NYAP2: variants seen among roughly 807,000 people sequenced by gnomAD.
The protein encoded by NYAP2 is neuronal tyrosine-phosphorylated phosphoinositide-3-kinase adapter 2.
In NYAP2, 23 loss-of-function variants were observed where a neutral mutation model predicts 50.4. The ratio of observed to expected loss-of-function variants is 0.46; its 90% CI spans 0.33 to 0.65. The LOEUF (loss-of-function observed/expected upper bound fraction) is 0.65. NYAP2 is among the 30% of genes least tolerant of loss of function. The pLI, the probability that NYAP2 is intolerant of heterozygous loss-of-function variation, is 0.02. For missense variants in NYAP2, 885 were observed against 861.0 expected (o/e 1.03, Z -0.35); for synonymous variants, 394 against 365.2 (o/e 1.08, Z -0.90).
chr2:225,474,866 A>G (rs1464060490), intron 3 of NYAP2, among the ~76,000 whole-genome samples: 1 of 152,226 alleles, frequency 6.6e-6, no homozygotes, highest in Non-Finnish European at 1.5e-5. Flanking sequence ...GAGTGGTGAG[A>G]GAGGGCATCC....
At position 225,452,625 on chromosome 2, in the gene NYAP2, C is replaced by T. The variant is rs979282182; in HGVS notation, c.221+43524C>T. 2.0e-5 allele frequency among the ~76,000 whole-genome samples: 3 copies of T among 152,178 alleles called. No homozygotes were observed. The South Asian group carries it at 6.2e-4, about 32-fold the overall frequency. On this transcript the variant is annotated intron_variant, in intron 3 of 6. Coordinates refer to ENST00000636099, the Ensembl canonical transcript of NYAP2. ...AAATCTATAAAGACAATTGCGGTTTCCCACTGAATTTGATTCATTCTAAAC... is the reference window on the plus strand; with the variant it reads ...AAATCTATAAAGACAATTGCGGTTTTCCACTGAATTTGATTCATTCTAAAC...
At chr2:225,519,838 A>G (rs1020850056) in intron 4 of NYAP2, among the ~76,000 whole-genome samples, 11 of 152,198 alleles carry the variant, frequency 7.2e-5, no homozygotes, top group African/African-American at 2.7e-4. Flanking sequence ...ATCCCTGAGG[A>G]ATCGCCACAC....
intron 4 of NYAP2, among the ~76,000 whole-genome samples, chr2:225,520,676 C>G (rs1691036791): frequency 6.6e-6 from 1 of 152,114 alleles, no homozygotes; most frequent in African/African-American, 2.4e-5. Flanking sequence ...GTTACTGTAG[C>G]CTTGTAGTAT....
the NYAP2 span, chr2:225,700,045 G>T: frequency 1.3e-5 from 2 of 151,780 alleles, no homozygotes; most frequent in Non-Finnish European, 2.9e-5. Flanking sequence ...TCTTGTAAGG[G>T]TATTGACAGC....
chr2:225,513,091 G>C (rs911509734), intron 3 of NYAP2, among the ~76,000 whole-genome samples: 1 of 152,076 alleles, frequency 6.6e-6, no homozygotes, highest in Non-Finnish European at 1.5e-5. Context: ...TGGAATTCTT[G>C]TTTACATTTT....
At chr2:225,612,595 T>C (rs377253190) in intron 5 of NYAP2, among the ~76,000 whole-genome samples, 3 of 152,222 alleles carry the variant, frequency 2.0e-5, no homozygotes, top group African/African-American at 4.8e-5. Flanking sequence ...AAGTTCAAAG[T>C]CAAGGTGCCA....
intron 5 of NYAP2, among the ~76,000 whole-genome samples, chr2:225,585,996 C>G (rs1692383905): frequency 6.6e-6 from 1 of 152,078 alleles, no homozygotes; most frequent in Non-Finnish European, 1.5e-5. Context: ...TCTCATTATT[C>G]TTTTTAAGTT....
downstream of NYAP2, among the ~76,000 whole-genome samples, chr2:225,655,444 G>T (rs569403932): frequency 6.6e-6 from 1 of 152,196 alleles, no homozygotes; most frequent in East Asian, 1.9e-4. Context: ...CTGAATTTTT[G>T]TGCCTACCAT....
At chr2:225,669,073 CT>C in the NYAP2 span, among the ~76,000 whole-genome samples, 2 of 137,308 alleles carry the variant, frequency 1.5e-5, no homozygotes, top group Admixed American at 1.6e-4. Flanking sequence ...ATACCAAAAA[CT>C]ACATAATGAA....
chr2:225,562,629 T>C (rs1413050140), intron 4 of NYAP2, among the ~76,000 whole-genome samples: 1 of 152,104 alleles, frequency 6.6e-6, no homozygotes, highest in Non-Finnish European at 1.5e-5. Context: ...GCAAATTTGC[T>C]TGGAACATAC....
At chr2:225,563,050 C>T (rs1326822196) in intron 4 of NYAP2, among the ~76,000 whole-genome samples, 1 of 152,080 alleles carries the variant, frequency 6.6e-6, no homozygotes, top group Non-Finnish European at 1.5e-5. Context: ...GTGTAAAAGT[C>T]TGCATCTTTT....
chr2:225,578,619 C>T (rs917318259), intron 4 of NYAP2, among the ~76,000 whole-genome samples: 6 of 152,110 alleles, frequency 3.9e-5, no homozygotes, highest in African/African-American at 1.2e-4. Context: ...GGATAAGCAT[C>T]GCCAGATGTA....
chr2:225,687,658 T>G, the NYAP2 span, among the ~76,000 whole-genome samples: 1 of 152,198 alleles, frequency 6.6e-6, no homozygotes, highest in Non-Finnish European at 1.5e-5. Context: ...TGCACATATG[T>G]GTAAATATGC....
At chr2:225,555,696 C>T (rs535228301) in intron 4 of NYAP2, among the ~76,000 whole-genome samples, 9 of 152,192 alleles carry the variant, frequency 5.9e-5, no homozygotes, top group Admixed American at 3.9e-4. Flanking sequence ...TGTCTAAGCC[C>T]GATTAGCTCT....
chr2:225,601,123 G>GTT (rs71410364), intron 5 of NYAP2, among the ~76,000 whole-genome samples: 34 of 136,890 alleles, frequency 2.5e-4, no homozygotes, highest in Non-Finnish European at 2.5e-4. Flanking sequence ...CTGTGTTTAA[G>GTT]TTTTTTTTTT....
chr2:225,548,483 C>T (rs1010784170), intron 4 of NYAP2, among the ~76,000 whole-genome samples: 10 of 151,580 alleles, frequency 6.6e-5, no homozygotes, highest in Admixed American at 6.6e-4. Context: ...CCCCACTATC[C>T]TATTACATAA....
chr2:225,660,441 A>ATTTTTT, the NYAP2 span, among the ~76,000 whole-genome samples: 1 of 134,004 alleles, frequency 7.5e-6, no homozygotes, highest in Non-Finnish European at 1.6e-5. Flanking sequence ...CACAGGATAC[A>ATTTTTT]TTTTTTTTTT....
the NYAP2 span, chr2:225,703,434 T>C: frequency 4.0e-5 from 6 of 151,732 alleles, no homozygotes; most frequent in Non-Finnish European, 8.8e-5. Context: ...TTTCTATATA[T>C]ATAATAATAT....
intron 4 of NYAP2, among the ~76,000 whole-genome samples, chr2:225,560,726 G>C (rs1256994930): frequency 2.0e-5 from 3 of 152,056 alleles, no homozygotes; most frequent in Non-Finnish European, 2.9e-5. Flanking sequence ...AATTTTACAT[G>C]TGTAACTTGG....
Sources: gnomAD v4.1 joint callset for allele counts (sites outside exome capture counted in the v4.1 genomes callset) on GRCh38, gnomAD v4.1.1 for gene constraint, MANE v1.5 for transcripts, NCBI Gene and HGNC (gene_info 2026-07-23, HGNC 2026-07-21) for gene names.